Variants in TSHZ2 observed in about 807,000 individuals in gnomAD.
TSHZ2 encodes the protein teashirt zinc finger homeobox 2, also known as teashirt homolog 2.
In TSHZ2, 21 loss-of-function variants were observed where a neutral mutation model predicts 74.4. The ratio of observed to expected loss-of-function variants is 0.28; its 90% CI spans 0.20 to 0.41. TSHZ2 has a LOEUF of 0.41. Among genes scored for constraint, TSHZ2 ranks in the 10% least tolerant of loss-of-function variants. The pLI, the probability that TSHZ2 is intolerant of heterozygous loss-of-function variation, is 1.00. For missense variants in TSHZ2, 1,244 were observed against 1,293.5 expected (o/e 0.96, Z 0.59); for synonymous variants, 540 against 515.3 (o/e 1.05, Z -0.65).
chr20:53,237,506 T>A (rs199694650), intron 1 of TSHZ2, among the ~76,000 whole-genome samples: 90 of 59,596 alleles, frequency 1.5e-3, no homozygotes, highest in African/African-American at 8.4e-3. Context: ...TCTGTGTGAG[T>A]GTGTGTGTGT....
rs1026020352 is a variant in TSHZ2, at chr20:53,410,848, G to T, written c.*9-76296G>T. ...GCACCAGGACGCCTGGGTAACTTTT[G>T]TATTTTAGTAGAGATGGTGTTTCAC... is the stretch of plus-strand genomic sequence containing the variant. On this transcript the variant is annotated intron_variant, in intron 2 of 2. Transcript: ENST00000371497. 3.3e-5 allele frequency among the ~76,000 whole-genome samples: 5 copies of T among 151,872 alleles called. No homozygotes were observed. The East Asian group carries it at 9.7e-4, about 29-fold the overall frequency.
rs191771530 is a variant in TSHZ2, at chr20:53,269,822, T to C, written c.*8+13251T>C. Among the ~76,000 whole-genome samples, 454 of 151,314 alleles carry C rather than the reference T, an allele frequency of 3.0e-3. 2 individuals carry two copies. Among genetic ancestry groups the C allele is most frequent in the African/African-American group, 0.011 (439 of 40,920 alleles). On this transcript the variant is annotated intron_variant, in intron 2 of 2. Coordinates refer to ENST00000371497, the MANE Select transcript of TSHZ2 (RefSeq NM_173485.6). The stretch of plus-strand genomic sequence containing the variant: ...TAAAAAAAAAAGAAAAGAAAATCCA[T>C]GTCATTGATATTGACAGAGAACTAA...
chr20:53,121,775 G>A (rs1397346721), intron 1 of TSHZ2, among the ~76,000 whole-genome samples: 2 of 151,938 alleles, frequency 1.3e-5, no homozygotes, highest in Admixed American at 1.3e-4. Flanking sequence ...TGGCTTTTGT[G>A]GAAGAGACTC....
At position 53,135,878 on chromosome 20, in the gene TSHZ2, T is replaced by A. The variant is rs567993640; in HGVS notation, c.41-117621T>A. 1.2e-4 allele frequency among the ~76,000 whole-genome samples: 19 copies of A among 152,332 alleles called. No homozygotes were observed. In the South Asian group the frequency reaches 2.3e-3, roughly 18 times the overall value. The stretch of plus-strand genomic sequence containing the variant: ...CCTCAGCCTCCCAAAGCATTGGGAT[T>A]ATAGGCGTGAGCCACCACACCCAGA... On this transcript the variant is annotated intron_variant, in intron 1 of 2. Transcript: ENST00000371497.
intron 2 of TSHZ2, among the ~76,000 whole-genome samples, chr20:53,259,760 A>C (rs919849665): frequency 4.6e-5 from 7 of 152,234 alleles, no homozygotes; most frequent in Admixed American, 6.5e-5. Flanking sequence ...AATGACAAAT[A>C]GGTTTTGAGT....
At chr20:53,395,703 C>A (rs1982419055) in intron 2 of TSHZ2, among the ~76,000 whole-genome samples, 1 of 152,074 alleles carries the variant, frequency 6.6e-6, no homozygotes, top group African/African-American at 2.4e-5. Context: ...TTTTTCAAAC[C>A]ATCTTAACAT....
intron 1 of TSHZ2, among the ~76,000 whole-genome samples, chr20:53,108,509 G>A (rs934703484): frequency 2.6e-5 from 4 of 152,162 alleles, no homozygotes; most frequent in South Asian, 2.1e-4. Context: ...ACAGGTAGTC[G>A]ACAAGTTCTG....
chr20:53,023,199 T>C (rs1983310401), intron 1 of TSHZ2, among the ~76,000 whole-genome samples: 3 of 152,210 alleles, frequency 2.0e-5, no homozygotes, highest in Admixed American at 2.0e-4. Flanking sequence ...GGTGTATTGT[T>C]TCACCTTAAT....
At chr20:53,382,512 A>G (rs963585575) in intron 2 of TSHZ2, among the ~76,000 whole-genome samples, 1 of 152,358 alleles carries the variant, frequency 6.6e-6, no homozygotes, top group East Asian at 1.9e-4. Context: ...ATATGAGCCA[A>G]TGCAACACAG....
At chr20:53,271,201 GA>G (rs1031625303) in intron 2 of TSHZ2, among the ~76,000 whole-genome samples, 18 of 152,322 alleles carry the variant, frequency 1.2e-4, no homozygotes, top group African/African-American at 3.8e-4. Context: ...GCTCAGTGGG[GA>G]AAAACATGGG....
chr20:53,020,642 C>T (rs960320780), intron 1 of TSHZ2, among the ~76,000 whole-genome samples: 1 of 152,188 alleles, frequency 6.6e-6, no homozygotes, highest in Non-Finnish European at 1.5e-5. Flanking sequence ...TCACCACTTA[C>T]TTCCTGCAGG....
chr20:52,983,981 G>A (rs1568704111), intron 1 of TSHZ2, among the ~76,000 whole-genome samples: 1 of 152,216 alleles, frequency 6.6e-6, no homozygotes, highest in Non-Finnish European at 1.5e-5. Flanking sequence ...AATGGGAATA[G>A]GCTACGGGCT....
At chr20:53,278,949 G>T (rs1990998564) in intron 2 of TSHZ2, among the ~76,000 whole-genome samples, 1 of 152,196 alleles carries the variant, frequency 6.6e-6, no homozygotes, top group South Asian at 2.1e-4. Context: ...TTGACCAGAA[G>T]CCTTACCAAC....
chr20:52,994,057 A>G (rs1349685751), intron 1 of TSHZ2, among the ~76,000 whole-genome samples: 1 of 152,218 alleles, frequency 6.6e-6, no homozygotes, highest in African/African-American at 2.4e-5. Flanking sequence ...AGATCAAACA[A>G]ATTAGTGAAA....
chr20:53,091,982 G>A (rs1356702136), intron 1 of TSHZ2, among the ~76,000 whole-genome samples: 1 of 152,166 alleles, frequency 6.6e-6, no homozygotes, highest in Non-Finnish European at 1.5e-5. Flanking sequence ...GGAGTTCAAG[G>A]TTGCAGTGAG....
At chr20:53,331,822 G>C (rs565216787) in intron 2 of TSHZ2, among the ~76,000 whole-genome samples, 1 of 152,230 alleles carries the variant, frequency 6.6e-6, no homozygotes, top group Admixed American at 6.5e-5. Flanking sequence ...ACCCCTTCCT[G>C]GTGGCGGCAG....
intron 1 of TSHZ2, among the ~76,000 whole-genome samples, chr20:52,976,093 G>A (rs1981326751): frequency 6.6e-6 from 1 of 152,182 alleles, no homozygotes; most frequent in African/African-American, 2.4e-5. Flanking sequence ...TGATTCCTTT[G>A]TATTATTAGT....
intron 1 of TSHZ2, among the ~76,000 whole-genome samples, chr20:52,975,512 G>A (rs903193077): frequency 7.1e-6 from 1 of 141,234 alleles, no homozygotes; most frequent in Non-Finnish European, 1.5e-5. Context: ...GGTGTGTGTG[G>A]GTGTGTGGGG....
At chr20:53,382,663 G>A (rs1401758739) in intron 2 of TSHZ2, among the ~76,000 whole-genome samples, 1 of 152,166 alleles carries the variant, frequency 6.6e-6, no homozygotes, top group Non-Finnish European at 1.5e-5. Flanking sequence ...GGCTCCCCCC[G>A]GGCCACAGTT....
Sources: gnomAD v4.1 joint callset for allele counts (sites outside exome capture counted in the v4.1 genomes callset) on GRCh38, gnomAD v4.1.1 for gene constraint, MANE v1.5 for transcripts, NCBI Gene and HGNC (gene_info 2026-07-23, HGNC 2026-07-21) for gene names.